Variants in MAD1L1 observed in about 807,000 individuals in gnomAD.
MAD1L1 encodes mitotic arrest deficient 1 like 1, also known as mitotic spindle assembly checkpoint protein MAD1.
Under a neutral mutation model 96.9 loss-of-function variants are expected in MAD1L1, and 95 were observed. The ratio of observed to expected loss-of-function variants is 0.98; its 90% CI spans 0.83 to 1.16. MAD1L1 has a LOEUF of 1.16. MAD1L1 is among the 50% of genes most tolerant of loss of function. MAD1L1 has a pLI of 0.00. For missense variants in MAD1L1, 1,007 were observed against 954.4 expected (o/e 1.06, Z -0.73); for synonymous variants, 473 against 396.6 (o/e 1.19, Z -2.29).
chr7:1,995,604 T>C (rs1016345498), intron 14 of MAD1L1, among the ~76,000 whole-genome samples: 1 of 152,060 alleles, frequency 6.6e-6, no homozygotes, highest in African/African-American at 2.4e-5. Flanking sequence ...GAGAGTGAGC[T>C]AAGGACACAG....
intron 10 of MAD1L1, among the ~76,000 whole-genome samples, chr7:2,183,466 G>A (rs566522638): frequency 5.9e-5 from 9 of 152,102 alleles, no homozygotes; most frequent in Non-Finnish European, 1.3e-4. Flanking sequence ...TGTTTATTGC[G>A]GCACTATTCA....
At chr7:1,903,848 C>G (rs1221372769) in intron 17 of MAD1L1, among the ~76,000 whole-genome samples, 4 of 143,424 alleles carry the variant, frequency 2.8e-5, no homozygotes, top group Non-Finnish European at 4.5e-5. Flanking sequence ...TGATCAAGCA[C>G]TGTTCCAGGC....
At chr7:1,856,929 A>G (rs1355153532) in intron 18 of MAD1L1, among the ~76,000 whole-genome samples, 2 of 152,086 alleles carry the variant, frequency 1.3e-5, no homozygotes, top group African/African-American at 2.4e-5. Context: ...CGAGCTGACC[A>G]TGAGCTGCCA....
chr7:1,866,160 C>G (rs189375236), intron 18 of MAD1L1, among the ~76,000 whole-genome samples: 1 of 152,304 alleles, frequency 6.6e-6, no homozygotes, highest in East Asian at 1.9e-4. Flanking sequence ...CCAGAACGCC[C>G]GGGTGCACAC....
intron 11 of MAD1L1, among the ~76,000 whole-genome samples, chr7:2,140,750 C>A (rs761810590): frequency 6.6e-6 from 1 of 152,248 alleles, no homozygotes; most frequent in Non-Finnish European, 1.5e-5. Context: ...CCAGAAAGGG[C>A]GGCTCCATGG....
In MAD1L1 at chr7:2,225,518, C is replaced by T. The variant is rs1793844978; in HGVS notation, c.183G>A (p.Lys61=). Residue 61 remains lysine (K), a synonymous_variant, in exon 4 of 19, where the codon AAG becomes AAA. Coordinates refer to ENST00000265854, the MANE Select transcript of MAD1L1 (RefSeq NM_001013836.2). ...CCCGCTCCACCTGGATGAGGTGGGA[C>T]TTCGAACGGATCTGCTCTGCTCTTT... The part of the protein sequence containing the change: ...LEERAEQIRS[K]SHLIQVEREK... 1 of 1,613,932 alleles carries T rather than the reference C, an allele frequency of 6.2e-7. No individual in the cohort carries two copies.
At chr7:1,875,164 G>T (rs1393922396) in intron 18 of MAD1L1, among the ~76,000 whole-genome samples, 1 of 152,182 alleles carries the variant, frequency 6.6e-6, no homozygotes, top group Non-Finnish European at 1.5e-5. Flanking sequence ...GCCCCCCACA[G>T]GGGCCATGGC....
chr7:2,064,570 C>G (rs1784797857), intron 12 of MAD1L1, among the ~76,000 whole-genome samples: 1 of 152,126 alleles, frequency 6.6e-6, no homozygotes, highest in Non-Finnish European at 1.5e-5. Flanking sequence ...ACAGAGGATT[C>G]TCCTAGGAGG....
rs1400424147 is a variant in MAD1L1 at position 1,862,620 on chromosome 7, G to A, written c.1998+35580C>T. Among the ~76,000 whole-genome samples, 4 of 152,236 alleles carry A rather than the reference G, an allele frequency of 2.6e-5. No individual in the cohort carries two copies. In the East Asian group the frequency reaches 7.7e-4, roughly 29 times the overall value. ...GGCATTGCTGGAGGCTGAGGGCATC[G>A]GCCCTGGCCGGTCCAGCAAGTGGCT... On this transcript the variant is annotated intron_variant, in intron 18 of 18. Coordinates refer to ENST00000265854, the MANE Select transcript of MAD1L1 (RefSeq NM_001013836.2).
intron 14 of MAD1L1, among the ~76,000 whole-genome samples, chr7:1,997,413 G>A (rs1234566383): frequency 6.6e-6 from 1 of 152,214 alleles, no homozygotes; most frequent in Non-Finnish European, 1.5e-5. Flanking sequence ...CCTTTCCAGG[G>A]ACAAGGGAGC....
rs193055936 is a variant in MAD1L1 at position 1,970,490 on chromosome 7, C to T, written c.1505+9963G>A. Among the ~76,000 whole-genome samples, 646 of 152,088 alleles carry T rather than the reference C, an allele frequency of 4.2e-3. 6 individuals are homozygous for T. The highest frequency in any genetic ancestry group is 0.015 in the African/African-American group (611 of 41,514). On this transcript the variant is annotated intron_variant, in intron 15 of 18. Coordinates refer to ENST00000265854, the MANE Select transcript of MAD1L1 (RefSeq NM_001013836.2). Reference sequence around the variant, plus strand: ...CTGGAATTACAGGCACGCGCCACCACGCCCAGCTAAGTTTTCCATTTTTAG... The same window carrying T: ...CTGGAATTACAGGCACGCGCCACCATGCCCAGCTAAGTTTTCCATTTTTAG...
chr7:1,931,252 A>G (rs1445450647), intron 17 of MAD1L1, among the ~76,000 whole-genome samples: 2 of 151,758 alleles, frequency 1.3e-5, no homozygotes, highest in Non-Finnish European at 2.9e-5. Flanking sequence ...CACCCCACGC[A>G]CGGTCACAGG....
At chr7:1,972,606 T>TC (rs1780454870) in intron 15 of MAD1L1, among the ~76,000 whole-genome samples, 2 of 151,460 alleles carry the variant, frequency 1.3e-5, no homozygotes, top group African/African-American at 4.9e-5. Flanking sequence ...TTTATTGAAT[T>TC]TTTTTTCCAA....
chr7:2,001,683 G>T (rs556266246), intron 14 of MAD1L1, among the ~76,000 whole-genome samples: 1 of 152,244 alleles, frequency 6.6e-6, no homozygotes, highest in Non-Finnish European at 1.5e-5. Flanking sequence ...TGGGGACTCG[G>T]GTCCTGTGTG....
intron 13 of MAD1L1, among the ~76,000 whole-genome samples, chr7:2,005,479 A>G (rs2128493993): frequency 6.6e-6 from 1 of 152,268 alleles, no homozygotes; most frequent in South Asian, 2.1e-4. Context: ...ATTAGGGAGG[A>G]AAAGAAGGAC....
chr7:2,158,491 G>A (rs1224157336), intron 10 of MAD1L1, among the ~76,000 whole-genome samples: 1 of 152,240 alleles, frequency 6.6e-6, no homozygotes, highest in African/African-American at 2.4e-5. Context: ...TGGGGCTCCA[G>A]CCAGAGCCCT....
At chr7:1,847,128 T>C in intron 18 of MAD1L1, 1 of 368,080 alleles carries the variant, frequency 2.7e-6, no homozygotes. Flanking sequence ...TTGGAAATGA[T>C]GTTTTAAAGG....
intron 10 of MAD1L1, among the ~76,000 whole-genome samples, chr7:2,196,292 G>A (rs1436782508): frequency 6.6e-6 from 1 of 152,238 alleles, no homozygotes; most frequent in African/African-American, 2.4e-5. Context: ...GCAAAGTGAA[G>A]ACCCTCTTGA....
chr7:2,156,836 AG>A (rs528115244), intron 10 of MAD1L1, among the ~76,000 whole-genome samples: 1 of 149,772 alleles, frequency 6.7e-6, no homozygotes, highest in Non-Finnish European at 1.5e-5. Flanking sequence ...AAAAAAAAAA[AG>A]AAAGAAAGAA....
Sources: allele counts gnomAD v4.1 joint callset (sites outside exome capture counted in the v4.1 genomes callset), GRCh38; gene constraint gnomAD v4.1.1; transcripts MANE v1.5; gene names NCBI Gene and HGNC (gene_info 2026-07-23, HGNC 2026-07-21).